Variants in CDK19 observed in about 807,000 individuals in gnomAD.
CDK19 encodes the protein cyclin-dependent kinase 19.
A neutral mutation model predicts 68.3 loss-of-function variants in CDK19; 20 were observed. The ratio of observed to expected loss-of-function variants is 0.29; its 90% CI spans 0.21 to 0.43. The LOEUF is 0.43. CDK19 is among the 20% of genes least tolerant of loss of function. CDK19 has a pLI of 1.00. For missense variants in CDK19, 339 were observed against 623.5 expected, an observed-to-expected ratio of 0.54 and a Z score of 4.86; for synonymous variants, 221 against 222.8, an observed-to-expected ratio of 0.99 and a Z score of 0.07.
At chr6:110,789,293 T>A (rs967515574) in intron 1 of CDK19, among the ~76,000 whole-genome samples, 1 of 152,168 alleles carries the variant, frequency 6.6e-6, no homozygotes, top group Admixed American at 6.5e-5. Flanking sequence ...AACTTTTTTT[T>A]TTTTTAAGTG....
At chr6:110,799,964 G>A (rs1365360460) in intron 1 of CDK19, among the ~76,000 whole-genome samples, 1 of 152,070 alleles carries the variant, frequency 6.6e-6, no homozygotes, top group African/African-American at 2.4e-5. Context: ...GATAGAGAGG[G>A]CTGACTGTAC....
Position 110,814,932 on chromosome 6 carries a change from T to G in CDK19, c.128+77A>C, listed in dbSNP as rs955244943. ...CCCCTCGGGCACGGCCCGACTGGGA[T>G]CCGACCCACCCATCCCGCCAGGTCG... On this transcript the variant is annotated intron_variant, in intron 1 of 12. Coordinates refer to ENST00000368911, the MANE Select transcript of CDK19 (RefSeq NM_015076.5). 6.9e-6 allele frequency: 11 copies of G among 1,583,136 alleles called. No homozygotes were observed. The Admixed American group carries it at 1.7e-4, about 25-fold the overall frequency.
intron 5 of CDK19, among the ~76,000 whole-genome samples, chr6:110,634,418 A>G (rs1582730858): frequency 6.6e-6 from 1 of 152,142 alleles, no homozygotes; most frequent in Non-Finnish European, 1.5e-5. Flanking sequence ...GGGTTTCACC[A>G]TGTTGGCCAG....
At chr6:110,812,409 A>C (rs1783175658) in intron 1 of CDK19, among the ~76,000 whole-genome samples, 1 of 152,222 alleles carries the variant, frequency 6.6e-6, no homozygotes, top group African/African-American at 2.4e-5. Context: ...GGCGTGAGCC[A>C]CCGCACCCGA....
intron 2 of CDK19, among the ~76,000 whole-genome samples, chr6:110,686,934 C>T (rs1254376715): frequency 1.3e-5 from 2 of 152,072 alleles, no homozygotes; most frequent in East Asian, 1.9e-4. Flanking sequence ...TGCGGTGGCT[C>T]GTGCCTGTAA....
intron 1 of CDK19, among the ~76,000 whole-genome samples, chr6:110,810,937 T>TAA (rs753560418): frequency 2.2e-4 from 34 of 152,192 alleles, no homozygotes; most frequent in Admixed American, 1.7e-3. Flanking sequence ...GTTTATACAG[T>TAA]AAGTTATCAA....
chr6:110,775,789 A>G (rs1020228401), intron 1 of CDK19, among the ~76,000 whole-genome samples: 5 of 152,256 alleles, frequency 3.3e-5, no homozygotes, highest in African/African-American at 1.2e-4. Context: ...GAAATCTTTA[A>G]AAGTATCATC....
intron 4 of CDK19, chr6:110,646,201 G>C: frequency 7.3e-7 from 1 of 1,365,154 alleles, no homozygotes; most frequent in Non-Finnish European, 9.9e-7. Context: ...CGCATCCTCA[G>C]CAACTCGTCG....
At position 110,649,792 on chromosome 6, in the gene CDK19, A is replaced by C. The variant is rs573979732; in HGVS notation, c.457-11086T>G. Among the ~76,000 whole-genome samples, 50 of 152,316 alleles carry C rather than the reference A, an allele frequency of 3.3e-4. 1 individual carries two copies. In the South Asian group the frequency reaches 7.0e-3, roughly 21 times the overall value. On this transcript the variant is annotated intron_variant, in intron 4 of 12. Transcript: ENST00000368911. Reference sequence around the variant, plus strand: ...GGAAATATAAATTAAGATCACAATAACATACCATTTTATACCTACTAGATG... The same window carrying C: ...GGAAATATAAATTAAGATCACAATACCATACCATTTTATACCTACTAGATG...
intron 1 of CDK19, among the ~76,000 whole-genome samples, chr6:110,777,119 T>A (rs1437398496): frequency 6.6e-6 from 1 of 152,234 alleles, no homozygotes; most frequent in Non-Finnish European, 1.5e-5. Flanking sequence ...TTATATGTGT[T>A]CTCAAGTATT....
At chr6:110,744,351 A>AT (rs938279821) in intron 2 of CDK19, among the ~76,000 whole-genome samples, 4 of 151,664 alleles carry the variant, frequency 2.6e-5, no homozygotes, top group Admixed American at 1.3e-4. Context: ...CCAAATTAGA[A>AT]TTTTTTCAAA....
intron 1 of CDK19, among the ~76,000 whole-genome samples, chr6:110,769,391 CCT>C (rs1779833210): frequency 6.6e-6 from 1 of 151,250 alleles, no homozygotes; most frequent in Non-Finnish European, 1.5e-5. Context: ...ATGGTGAAAC[CCT>C]GTCTCTACTA....
At chr6:110,801,017 T>C (rs2115111235) in intron 1 of CDK19, among the ~76,000 whole-genome samples, 1 of 152,304 alleles carries the variant, frequency 6.6e-6, no homozygotes, top group Non-Finnish European at 1.5e-5. Context: ...ATTATCTATT[T>C]ACTGATAATA....
intron 1 of CDK19, among the ~76,000 whole-genome samples, chr6:110,795,841 T>TA (rs201661612): frequency 1.3e-5 from 2 of 151,930 alleles, no homozygotes; most frequent in South Asian, 2.1e-4. Context: ...ATCAAGTTCT[T>TA]AAAAAAAATT....
At chr6:110,614,941 C>T (rs6905041) in intron 12 of CDK19, among the ~76,000 whole-genome samples, 35,004 of 152,052 alleles carry the variant, frequency 0.23, 4,310 homozygotes, top group African/African-American at 0.31. Context: ...GAAATTTCAG[C>T]GGACCCATTT....
chr6:110,616,040 T>G (rs1010479620), intron 12 of CDK19, among the ~76,000 whole-genome samples: 7 of 152,148 alleles, frequency 4.6e-5, no homozygotes, highest in Admixed American at 3.9e-4. Context: ...CCTAGACCCC[T>G]GCCCACCAAA....
rs887471307 is a variant in CDK19, at chr6:110,638,507, T to G, written c.514+142A>C. Reference sequence around the variant, plus strand: ...ACCTAGGAGTTTTGTAGACTATCTATCTACATTTTCCAATATCTTTTCTAA... The same window carrying G: ...ACCTAGGAGTTTTGTAGACTATCTAGCTACATTTTCCAATATCTTTTCTAA... On this transcript the variant is annotated intron_variant, in intron 5 of 12. Coordinates refer to ENST00000368911, the MANE Select transcript of CDK19 (RefSeq NM_015076.5). 6.7e-6 allele frequency: 4 copies of G among 597,144 alleles called. No individual in the cohort carries two copies. In the South Asian group the frequency reaches 7.3e-5, roughly 11 times the overall value. 37.0% of individuals were successfully genotyped at this position (597,144 alleles called of 1,614,324 possible).
At chr6:110,794,397 A>C (rs1471885439) in intron 1 of CDK19, among the ~76,000 whole-genome samples, 1 of 126,536 alleles carries the variant, frequency 7.9e-6, no homozygotes, top group Non-Finnish European at 1.6e-5. Context: ...TCTCTCCAGT[A>C]GTTTGAAACT....
chr6:110,618,866 C>T (rs1370834597), intron 12 of CDK19, among the ~76,000 whole-genome samples: 1 of 152,178 alleles, frequency 6.6e-6, no homozygotes, highest in Non-Finnish European at 1.5e-5. Flanking sequence ...TGTTTTCATA[C>T]ATTCTGTAAT....
Sources: allele counts gnomAD v4.1 joint callset (sites outside exome capture counted in the v4.1 genomes callset), GRCh38; gene constraint gnomAD v4.1.1; transcripts MANE v1.5; gene names NCBI Gene and HGNC (gene_info 2026-07-23, HGNC 2026-07-21).